The following LDB2 variants were observed in gnomAD, a reference collection of about 807,000 sequenced individuals.
LDB2 encodes the protein LIM domain-binding protein 2.
A neutral mutation model predicts 44.3 loss-of-function variants in LDB2; 12 were observed. That is an observed-to-expected ratio of 0.27 (90% CI 0.17 to 0.44). LDB2 has a LOEUF of 0.44. Among genes scored for constraint, LDB2 ranks in the 20% least tolerant of loss-of-function variants. LDB2 has a pLI of 1.00. For synonymous variants in LDB2, 164 were observed against 174.8 expected (o/e 0.94, Z 0.49); for missense variants, 344 against 473.5 (o/e 0.73, Z 2.54).
intron 1 of LDB2, among the ~76,000 whole-genome samples, chr4:16,879,755 G>A (rs1021923888): frequency 6.6e-6 from 1 of 152,072 alleles, no homozygotes; most frequent in Non-Finnish European, 1.5e-5. Context: ...TCTCTTCCTG[G>A]ATATATACCC....
At chr4:16,633,893 T>C (rs553122411) in intron 2 of LDB2, among the ~76,000 whole-genome samples, 1 of 152,334 alleles carries the variant, frequency 6.6e-6, no homozygotes, top group Non-Finnish European at 1.5e-5. Flanking sequence ...CAAAACAGCA[T>C]GGTGCTGGTA....
chr4:16,636,182 G>A (rs780965451), intron 2 of LDB2, among the ~76,000 whole-genome samples: 3 of 152,218 alleles, frequency 2.0e-5, no homozygotes, highest in African/African-American at 4.8e-5. Flanking sequence ...TTTTACAGAA[G>A]AAACTGCTAA....
chr4:16,839,967 G>A (rs1304672972), intron 1 of LDB2, among the ~76,000 whole-genome samples: 1 of 152,134 alleles, frequency 6.6e-6, no homozygotes, highest in East Asian at 1.9e-4. Flanking sequence ...TTTTCATGAA[G>A]TGCACTAAGT....
chr4:16,505,446 G>A (rs1007851183), intron 7 of LDB2, among the ~76,000 whole-genome samples: 6 of 151,898 alleles, frequency 4.0e-5, no homozygotes, highest in African/African-American at 1.2e-4. Context: ...GACAGTTAAG[G>A]CCACTTAAAA....
chr4:16,803,771 C>T (rs1178045220), intron 1 of LDB2, among the ~76,000 whole-genome samples: 2 of 152,138 alleles, frequency 1.3e-5, no homozygotes, highest in Admixed American at 6.5e-5. Context: ...AATAGTCGTA[C>T]TTATTTTAGG....
At chr4:16,620,280 G>A (rs1363777859) in intron 2 of LDB2, among the ~76,000 whole-genome samples, 2 of 152,148 alleles carry the variant, frequency 1.3e-5, no homozygotes, top group African/African-American at 4.8e-5. Context: ...TATCAAGTCA[G>A]GCAGATAGGA....
intron 2 of LDB2, among the ~76,000 whole-genome samples, chr4:16,631,129 A>G (rs560660989): frequency 6.6e-6 from 1 of 152,346 alleles, no homozygotes; most frequent in African/African-American, 2.4e-5. Context: ...AACAGAATAC[A>G]CATTATTCTC....
intron 1 of LDB2, among the ~76,000 whole-genome samples, chr4:16,789,678 C>T (rs1458757388): frequency 6.6e-6 from 1 of 152,130 alleles, no homozygotes; most frequent in Non-Finnish European, 1.5e-5. Flanking sequence ...GCCTGTAATC[C>T]CAGCACTTTC....
chr4:16,736,819 A>G (rs922787416), intron 2 of LDB2, among the ~76,000 whole-genome samples: 3 of 152,244 alleles, frequency 2.0e-5, no homozygotes, highest in Non-Finnish European at 4.4e-5. Context: ...ACCTCTTCAT[A>G]AAAAGATTTA....
chr4:16,576,585 T>C (rs1270102923), intron 5 of LDB2, among the ~76,000 whole-genome samples: 1 of 152,174 alleles, frequency 6.6e-6, no homozygotes, highest in East Asian at 1.9e-4. Context: ...ATTGAAGCTA[T>C]AATAAAAAGG....
chr4:16,628,620 T>A (rs1318358185), intron 2 of LDB2, among the ~76,000 whole-genome samples: 4 of 151,658 alleles, frequency 2.6e-5, no homozygotes, highest in Non-Finnish European at 5.9e-5. Flanking sequence ...TAAATTTGAG[T>A]CACCCGGGGT....
rs111668137 is a variant in LDB2 at position 16,589,662 on chromosome 4, A to T, written c.409-830T>A. On this transcript the variant is annotated intron_variant, in intron 3 of 7. Coordinates refer to ENST00000304523, the MANE Select transcript of LDB2 (RefSeq NM_001290.5). Reference sequence around the variant, plus strand: ...TATTAACAACTTTGAAATGAAGGAAAGTGCTATGCAATCACGAACCGCTGA... The same window carrying T: ...TATTAACAACTTTGAAATGAAGGAATGTGCTATGCAATCACGAACCGCTGA... 4.0e-3 allele frequency among the ~76,000 whole-genome samples: 613 copies of T among 152,236 alleles called. 4 individuals carry two copies. Among genetic ancestry groups the T allele is most frequent in the African/African-American group, 0.013 (529 of 41,536 alleles).
intron 1 of LDB2, chr4:16,888,674 A>G (rs893330587): frequency 7.2e-6 from 7 of 973,020 alleles, no homozygotes; most frequent in Admixed American, 1.2e-4. Flanking sequence ...CATTACTTAC[A>G]TTATTTAATT....
chr4:16,851,985 T>C (rs1788358552), intron 1 of LDB2, among the ~76,000 whole-genome samples: 1 of 152,188 alleles, frequency 6.6e-6, no homozygotes, highest in Non-Finnish European at 1.5e-5. Flanking sequence ...AGTATTACTT[T>C]TACCATAAAA....
At chr4:16,756,056 AGCTTTCT>A (rs1234430447) in intron 2 of LDB2, among the ~76,000 whole-genome samples, 2 of 152,206 alleles carry the variant, frequency 1.3e-5, no homozygotes, top group African/African-American at 4.8e-5. Context: ...AATACTGAGG[AGCTTTCT>A]GCTTTCTGAA....
At chr4:16,552,039 T>TAG (rs1359596921) in intron 5 of LDB2, among the ~76,000 whole-genome samples, 1 of 152,206 alleles carries the variant, frequency 6.6e-6, no homozygotes, top group Non-Finnish European at 1.5e-5. Context: ...CTACTATTTG[T>TAG]AGGCTGTCTT....
chr4:16,877,266 CTAAGT>C (rs1718714383), intron 1 of LDB2, among the ~76,000 whole-genome samples: 1 of 152,150 alleles, frequency 6.6e-6, no homozygotes, highest in Non-Finnish European at 1.5e-5. Context: ...CCTTCTTATT[CTAAGT>C]TGTCTTAGTT....
At chr4:16,575,506 C>G (rs141575168) in intron 5 of LDB2, among the ~76,000 whole-genome samples, 1,743 of 152,270 alleles carry the variant, frequency 0.011, 22 homozygotes, top group Middle Eastern at 0.034. Context: ...AATGCACATT[C>G]TTTTCCTTGG....
intron 1 of LDB2, among the ~76,000 whole-genome samples, chr4:16,845,626 A>G (rs897410220): frequency 7.2e-5 from 11 of 152,204 alleles, no homozygotes; most frequent in Non-Finnish European, 1.5e-4. Context: ...CAGTGACAGG[A>G]ATAAGACCAG....
Sources: allele counts gnomAD v4.1 joint callset (sites outside exome capture counted in the v4.1 genomes callset), GRCh38; gene constraint gnomAD v4.1.1; transcripts MANE v1.5; gene names NCBI Gene and HGNC (gene_info 2026-07-23, HGNC 2026-07-21).